The following PLCE1 variants were observed in gnomAD, a reference collection of about 807,000 sequenced individuals.
The protein encoded by PLCE1 is phospholipase C epsilon 1.
Under a neutral mutation model 242.8 loss-of-function variants are expected in PLCE1, and 119 were observed. That is an observed-to-expected ratio of 0.49 (90% CI 0.42 to 0.57). PLCE1 has a LOEUF of 0.57. Ranked by LOEUF, PLCE1 falls within the 20% of genes least tolerant of loss-of-function variation. The pLI is 0.00. For synonymous variants in PLCE1, 945 were observed against 1,017.4 expected, an observed-to-expected ratio of 0.93 and a Z score of 1.35; for missense variants, 2,441 against 2,788.8, an observed-to-expected ratio of 0.88 and a Z score of 2.81.
intron 8 of PLCE1, among the ~76,000 whole-genome samples, chr10:94,248,669 G>GAA (rs61637083): frequency 1.4e-5 from 2 of 143,378 alleles, no homozygotes; most frequent in Admixed American, 7.0e-5. Context: ...TACTCAGCTG[G>GAA]AAAAAAAAAA....
At chr10:94,053,288 A>T (rs1228925438) in intron 2 of PLCE1, among the ~76,000 whole-genome samples, 1 of 152,252 alleles carries the variant, frequency 6.6e-6, no homozygotes, top group Non-Finnish European at 1.5e-5. Flanking sequence ...TATCTGAAAA[A>T]GCAACATGGC....
At chr10:94,141,034 A>T (rs1353864193) in intron 3 of PLCE1, among the ~76,000 whole-genome samples, 1 of 152,244 alleles carries the variant, frequency 6.6e-6, no homozygotes, top group African/African-American at 2.4e-5. Flanking sequence ...AGAAAATGTA[A>T]TATTAGGTTT....
rs137880896 is a variant in PLCE1, at chr10:94,087,502, G to A, written c.1207-44672G>A. On this transcript the variant is annotated intron_variant, in intron 2 of 32. Coordinates refer to ENST00000371380, the MANE Select transcript of PLCE1 (RefSeq NM_016341.4). Reference sequence around the variant, plus strand: ...GACATCCAGGCTGGAGTGCAGTGGTGTGATCACAGCTGTAACCTCAAACTC... The same window carrying A: ...GACATCCAGGCTGGAGTGCAGTGGTATGATCACAGCTGTAACCTCAAACTC... Among the ~76,000 whole-genome samples, 112 of 152,062 alleles carry A rather than the reference G, an allele frequency of 7.4e-4. 1 individual carries two copies. The East Asian group carries it at 0.021, about 28-fold the overall frequency.
intron 3 of PLCE1, chr10:94,138,653 A>T: frequency 2.9e-6 from 1 of 349,992 alleles, no homozygotes; most frequent in Non-Finnish European, 5.6e-6. Flanking sequence ...TGATGCTAGG[A>T]GGAGGTGTTA....
intron 2 of PLCE1, among the ~76,000 whole-genome samples, chr10:94,035,125 G>A (rs1291112849): frequency 6.6e-6 from 1 of 152,190 alleles, no homozygotes; most frequent in Non-Finnish European, 1.5e-5. Context: ...TCCCTGCCAT[G>A]AAACTGCTGC....
chr10:94,124,120 G>A (rs778964883), intron 2 of PLCE1, among the ~76,000 whole-genome samples: 1 of 152,078 alleles, frequency 6.6e-6, no homozygotes, highest in Non-Finnish European at 1.5e-5. Context: ...ATGATATAGG[G>A]TAAAATCCCA....
chr10:94,123,022 G>T (rs2046341871), intron 2 of PLCE1, among the ~76,000 whole-genome samples: 1 of 152,176 alleles, frequency 6.6e-6, no homozygotes, highest in Non-Finnish European at 1.5e-5. Context: ...CTGTGCTGGG[G>T]ACAAAATGTT....
At chr10:94,247,734 T>A (rs892147557) in intron 8 of PLCE1, among the ~76,000 whole-genome samples, 1 of 152,218 alleles carries the variant, frequency 6.6e-6, no homozygotes, top group African/African-American at 2.4e-5. Flanking sequence ...GCTGCTTACA[T>A]TGAGTGAATT....
At chr10:94,203,797 A>T (rs2049055355) in intron 4 of PLCE1, among the ~76,000 whole-genome samples, 1 of 152,224 alleles carries the variant, frequency 6.6e-6, no homozygotes, top group Admixed American at 6.5e-5. Flanking sequence ...TTCCCTTCCC[A>T]AGAGGAGGAC....
chr10:94,064,737 A>T (rs531932723), intron 2 of PLCE1, among the ~76,000 whole-genome samples: 3 of 152,304 alleles, frequency 2.0e-5, no homozygotes, highest in Admixed American at 2.0e-4. Context: ...AGTGCTGAGT[A>T]CAGAACCTGG....
chr10:94,270,782 G>A (rs1381389589), intron 18 of PLCE1, among the ~76,000 whole-genome samples, 180 bp downstream of exon 18: 1 of 152,130 alleles, frequency 6.6e-6, no homozygotes, highest in African/African-American at 2.4e-5. Context: ...CGATTGTCCT[G>A]CCTCAGCCTC....
chr10:94,131,073 T>G (rs1483821891), intron 2 of PLCE1, among the ~76,000 whole-genome samples: 1 of 152,192 alleles, frequency 6.6e-6, no homozygotes, highest in Non-Finnish European at 1.5e-5. Flanking sequence ...AAACAGTAAC[T>G]ATTTGTTGGT....
At chr10:94,001,345 G>T (rs2060926667) in intron 1 of PLCE1, among the ~76,000 whole-genome samples, 1 of 152,180 alleles carries the variant, frequency 6.6e-6, no homozygotes, top group African/African-American at 2.4e-5. Flanking sequence ...TAAAAATAAT[G>T]AAAGGTCTCC....
At chr10:94,232,702 C>T (rs900220872) in intron 5 of PLCE1, among the ~76,000 whole-genome samples, 7 of 152,176 alleles carry the variant, frequency 4.6e-5, no homozygotes, top group Admixed American at 6.5e-5. Flanking sequence ...CTGCTAGGGT[C>T]GCCTCATTTG....
chr10:94,014,804 T>G (rs1310123562), intron 1 of PLCE1, among the ~76,000 whole-genome samples: 8 of 152,204 alleles, frequency 5.3e-5, no homozygotes. Flanking sequence ...GAGAGGTGCC[T>G]GCTAAAAATG....
intron 17 of PLCE1, among the ~76,000 whole-genome samples, chr10:94,269,332 C>T (rs531195322): frequency 1.3e-5 from 2 of 152,048 alleles, no homozygotes; most frequent in South Asian, 2.1e-4. Flanking sequence ...AAACTCCTGA[C>T]CTCAAGTGCT....
intron 1 of PLCE1, among the ~76,000 whole-genome samples, chr10:94,024,217 A>C (rs1332458525): frequency 1.3e-5 from 2 of 152,208 alleles, no homozygotes; most frequent in Non-Finnish European, 2.9e-5. Context: ...AGAATGCATA[A>C]GTAAATAACT....
At chr10:94,019,881 T>A (rs1365322568) in intron 1 of PLCE1, among the ~76,000 whole-genome samples, 1 of 152,210 alleles carries the variant, frequency 6.6e-6, no homozygotes, top group Admixed American at 6.5e-5. Flanking sequence ...AATTTAGTTT[T>A]ATGAATATAC....
intron 8 of PLCE1, among the ~76,000 whole-genome samples, chr10:94,248,474 C>T (rs1428881511): frequency 6.6e-6 from 1 of 152,124 alleles, no homozygotes; most frequent in Non-Finnish European, 1.5e-5. Context: ...CCTATAATCC[C>T]AGCTACTCAT....
Sources: allele counts gnomAD v4.1 joint callset (sites outside exome capture counted in the v4.1 genomes callset), GRCh38; gene constraint gnomAD v4.1.1; transcripts MANE v1.5; gene names NCBI Gene and HGNC (gene_info 2026-07-23, HGNC 2026-07-21).